Variants in SAMD12 observed in about 807,000 individuals in gnomAD.
The protein encoded by SAMD12 is sterile alpha motif domain containing 12, also known as sterile alpha motif domain-containing protein 12.
Under a neutral mutation model 15.0 loss-of-function variants are expected in SAMD12, and 9 were observed. The observed-to-expected ratio is 0.60, with a 90% CI of 0.36 to 1.05. The LOEUF is 1.05. Among genes scored for constraint, SAMD12 ranks in the 50% least tolerant of loss-of-function variants. SAMD12 has a pLI of 0.01. For synonymous variants in SAMD12, 86 were observed against 90.1 expected (o/e 0.96, Z 0.25); for missense variants, 230 against 234.2 (o/e 0.98, Z 0.12).
intron 4 of SAMD12, among the ~76,000 whole-genome samples, chr8:118,319,739 C>G (rs1816132790): frequency 6.6e-6 from 1 of 152,186 alleles, no homozygotes; most frequent in South Asian, 2.1e-4. Context: ...TGAGGGTAAT[C>G]CTGAGTGATC....
chr8:118,531,753 C>T (rs566447211), intron 2 of SAMD12, among the ~76,000 whole-genome samples: 1 of 152,264 alleles, frequency 6.6e-6, no homozygotes, highest in East Asian at 1.9e-4. Flanking sequence ...TATAAGAATG[C>T]TTGTGATTTT....
intron 4 of SAMD12, among the ~76,000 whole-genome samples, chr8:118,240,243 T>G (rs982032004): frequency 6.6e-6 from 1 of 152,126 alleles, no homozygotes; most frequent in African/African-American, 2.4e-5. Context: ...CAGCCCTGAT[T>G]GACACATTGA....
the SAMD12 span, among the ~76,000 whole-genome samples, chr8:118,177,273 T>A: frequency 6.6e-6 from 1 of 151,412 alleles, no homozygotes; most frequent in Non-Finnish European, 1.5e-5. Flanking sequence ...CAAGATCTCA[T>A]TCTGTCACCC....
intron 2 of SAMD12, among the ~76,000 whole-genome samples, chr8:118,542,210 A>G (rs1826005915): frequency 6.6e-6 from 1 of 152,208 alleles, no homozygotes; most frequent in African/African-American, 2.4e-5. Context: ...TAATAGCAGG[A>G]TAAGAAAACC....
At chr8:118,152,293 C>T in the SAMD12 span, among the ~76,000 whole-genome samples, 2 of 152,100 alleles carry the variant, frequency 1.3e-5, no homozygotes, top group African/African-American at 2.4e-5. Context: ...GCTGCCACCA[C>T]CCCCACCAAA....
chr8:118,164,108 G>A, the SAMD12 span, among the ~76,000 whole-genome samples: 1 of 152,126 alleles, frequency 6.6e-6, no homozygotes, highest in Non-Finnish European at 1.5e-5. Context: ...GGAGGAGTAG[G>A]AAGAGGAGGG....
chr8:118,233,047 T>C (rs902062023), intron 4 of SAMD12, among the ~76,000 whole-genome samples: 1 of 152,194 alleles, frequency 6.6e-6, no homozygotes, highest in Admixed American at 6.5e-5. Flanking sequence ...ACCCATGTAA[T>C]AGCAGAGAGG....
intron 4 of SAMD12, among the ~76,000 whole-genome samples, chr8:118,261,630 A>T (rs1813079002): frequency 1.4e-5 from 2 of 147,976 alleles, no homozygotes; most frequent in Admixed American, 6.7e-5. Context: ...AAGAAAACAC[A>T]TGATTTTTTT....
intron 4 of SAMD12, among the ~76,000 whole-genome samples, chr8:118,334,878 A>G (rs1017400388): frequency 6.6e-6 from 1 of 152,126 alleles, no homozygotes; most frequent in Non-Finnish European, 1.5e-5. Context: ...CGGGCATGAG[A>G]CACCATGCCC....
At chr8:118,138,634 T>C in the SAMD12 span, among the ~76,000 whole-genome samples, 1 of 152,224 alleles carries the variant, frequency 6.6e-6, no homozygotes, top group African/African-American at 2.4e-5. Context: ...ATCTATGGTA[T>C]TTTGTATAGA....
intron 4 of SAMD12, among the ~76,000 whole-genome samples, chr8:118,316,782 G>A (rs1194448215): frequency 1.3e-5 from 2 of 150,120 alleles, no homozygotes; most frequent in East Asian, 2.0e-4. Context: ...ACAGGGTCTC[G>A]CTCTGTCCAC....
At chr8:118,254,325 A>G (rs1295046028) in intron 4 of SAMD12, among the ~76,000 whole-genome samples, 1 of 152,074 alleles carries the variant, frequency 6.6e-6, no homozygotes, top group African/African-American at 2.4e-5. Flanking sequence ...CAGTTGCAAA[A>G]ATGGCAGTGA....
the SAMD12 span, among the ~76,000 whole-genome samples, chr8:118,134,529 C>A: frequency 6.6e-6 from 1 of 152,182 alleles, no homozygotes; most frequent in African/African-American, 2.4e-5. Context: ...CATCACCTAG[C>A]AACTGGTGAA....
chr8:118,313,912 G>C (rs2130406029), intron 4 of SAMD12, among the ~76,000 whole-genome samples: 1 of 151,516 alleles, frequency 6.6e-6, no homozygotes, highest in Non-Finnish European at 1.5e-5. Flanking sequence ...TGTGTGTGTA[G>C]AGGGAGAGAG....
intron 4 of SAMD12, among the ~76,000 whole-genome samples, chr8:118,302,063 G>A (rs868116003): frequency 2.4e-5 from 3 of 123,132 alleles, no homozygotes; most frequent in Admixed American, 9.5e-5. Context: ...ATTTTCTAGC[G>A]CCAGATCTTT....
intron 3 of SAMD12, among the ~76,000 whole-genome samples, chr8:118,437,704 C>A (rs373530161): frequency 2.6e-5 from 4 of 152,226 alleles, no homozygotes; most frequent in Admixed American, 1.3e-4. Context: ...ACCAAGTCTG[C>A]CACCAAAAGC....
intron 2 of SAMD12, among the ~76,000 whole-genome samples, chr8:118,575,406 C>T (rs1343851969): frequency 6.6e-6 from 1 of 152,136 alleles, no homozygotes; most frequent in East Asian, 1.9e-4. Context: ...TCTTCTTTTG[C>T]CTAGTTGGCC....
intron 4 of SAMD12, among the ~76,000 whole-genome samples, chr8:118,280,767 T>G (rs1007429117): frequency 1.3e-5 from 2 of 152,184 alleles, no homozygotes; most frequent in African/African-American, 4.8e-5. Context: ...TTTCTCCACT[T>G]TATTACTATA....
chr8:118,413,502 T>C (rs144790891), intron 3 of SAMD12, among the ~76,000 whole-genome samples: 8 of 152,320 alleles, frequency 5.3e-5, no homozygotes, highest in African/African-American at 1.9e-4. Flanking sequence ...TTCTGCAACC[T>C]TAGAATCAGC....
Sources: allele counts gnomAD v4.1 joint callset (sites outside exome capture counted in the v4.1 genomes callset), GRCh38; gene constraint gnomAD v4.1.1; transcripts MANE v1.5; gene names NCBI Gene and HGNC (gene_info 2026-07-23, HGNC 2026-07-21).